SUMF1: variants seen among roughly 807,000 people sequenced by gnomAD.
SUMF1 encodes formylglycine-generating enzyme.
SUMF1 carries 48 observed loss-of-function variants against 47.6 expected under a neutral mutation model. The observed-to-expected ratio is 1.01, with a 90% CI of 0.80 to 1.28. The LOEUF (loss-of-function observed/expected upper bound fraction) is 1.28, where lower values mean the gene tolerates loss of function less well. Among genes scored for constraint, SUMF1 ranks in the 50% most tolerant of loss-of-function variants. The pLI is 0.00. For missense variants in SUMF1, 571 were observed against 485.4 expected, an observed-to-expected ratio of 1.18 and a Z score of -1.66; for synonymous variants, 230 against 192.1, an observed-to-expected ratio of 1.20 and a Z score of -1.63.
chr3:4,153,926 G>A (rs1694396724), intron 8 of SUMF1, among the ~76,000 whole-genome samples: 1 of 151,510 alleles, frequency 6.6e-6, no homozygotes, highest in Non-Finnish European at 1.5e-5. Context: ...CTTAGGTTAG[G>A]ACTCCCGCCT....
intron 8 of SUMF1, among the ~76,000 whole-genome samples, chr3:4,156,235 G>C (rs1169516581): frequency 6.6e-6 from 1 of 151,342 alleles, no homozygotes; most frequent in Non-Finnish European, 1.5e-5. Flanking sequence ...AAAACACAAG[G>C]CCTGCAGAAG....
chr3:4,164,126 G>A (rs187258404), intron 8 of SUMF1, among the ~76,000 whole-genome samples: 15 of 152,252 alleles, frequency 9.9e-5, no homozygotes, highest in Admixed American at 5.2e-4. Context: ...TAACGGTGTG[G>A]GACTTTCAGG....
At chr3:4,280,138 A>C (rs1479006526) in intron 8 of SUMF1, among the ~76,000 whole-genome samples, 1 of 152,198 alleles carries the variant, frequency 6.6e-6, no homozygotes, top group African/African-American at 2.4e-5. Context: ...GATGTTAATT[A>C]GTTCTCTTAA....
chr3:4,441,310 C>G (rs1394233991), intron 3 of SUMF1, among the ~76,000 whole-genome samples: 1 of 152,198 alleles, frequency 6.6e-6, no homozygotes, highest in Non-Finnish European at 1.5e-5. Context: ...CCATCACCCC[C>G]AGATGGGACT....
intron 8 of SUMF1, among the ~76,000 whole-genome samples, chr3:4,315,243 C>T (rs1320536078): frequency 1.3e-5 from 2 of 152,218 alleles, no homozygotes; most frequent in Non-Finnish European, 2.9e-5. Flanking sequence ...GTATCCCTCA[C>T]TCCAAAATGT....
intron 3 of SUMF1, among the ~76,000 whole-genome samples, chr3:4,429,369 C>G (rs919821727): frequency 3.9e-5 from 6 of 152,132 alleles, no homozygotes; most frequent in Admixed American, 2.6e-4. Context: ...CAGGTCTTTT[C>G]CAGTGTCTAA....
intron 8 of SUMF1, among the ~76,000 whole-genome samples, chr3:4,236,779 T>C (rs313632): frequency 0.21 from 31,277 of 152,058 alleles, 4,104 homozygotes; most frequent in South Asian, 0.38. Context: ...CCATCATTTA[T>C]ATTAAGGTTC....
chr3:4,122,977 T>C (rs17039983), intron 8 of SUMF1, among the ~76,000 whole-genome samples: 8,275 of 152,200 alleles, frequency 0.054, 769 homozygotes, highest in African/African-American at 0.19. Flanking sequence ...ACTCTACACA[T>C]AGGTATTCAG....
chr3:4,296,256 A>C (rs1697847984), intron 8 of SUMF1, among the ~76,000 whole-genome samples: 1 of 150,794 alleles, frequency 6.6e-6, no homozygotes, highest in African/African-American at 2.4e-5. Context: ...TATTAATATT[A>C]TTTTGGGAAG....
rs755441931 is a variant in SUMF1, at chr3:4,317,076, C to G, written c.1014+59254G>C. 7.1e-6 allele frequency: 11 copies of G among 1,549,142 alleles called. No individual in the cohort carries two copies. The African/African-American group carries it at 1.5e-4, about 21-fold the overall frequency. ...GCCAACCAACTACCACGTCTTTAAG[C>G]ATCTCAACAACTTTTTGCAGGGAAA... On this transcript the variant is annotated intron_variant and NMD_transcript_variant, in intron 8 of 12. Coordinates refer to the SUMF1 transcript ENST00000448413.
At chr3:4,044,928 TAA>T (rs1694979067) in intron 9 of SUMF1, among the ~76,000 whole-genome samples, 1 of 151,942 alleles carries the variant, frequency 6.6e-6, no homozygotes, top group Non-Finnish European at 1.5e-5. Context: ...AAAAAATACT[TAA>T]AGAGATATTT....
At chr3:4,098,369 T>C (rs185023104) in intron 8 of SUMF1, among the ~76,000 whole-genome samples, 96 of 152,174 alleles carry the variant, frequency 6.3e-4, no homozygotes, top group Admixed American at 1.8e-3. Context: ...TACAGACACA[T>C]AGGGACACAC....
intron 8 of SUMF1, chr3:4,229,402 C>A: frequency 5.6e-6 from 2 of 359,554 alleles, no homozygotes; most frequent in Non-Finnish European, 1.1e-5. Context: ...AAGAGCATGT[C>A]TTAGCCATGT....
At chr3:4,321,123 AAGG>A in intron 8 of SUMF1, among the ~76,000 whole-genome samples, 1 of 152,190 alleles carries the variant, frequency 6.6e-6, no homozygotes, top group Non-Finnish European at 1.5e-5. Context: ...TAAGCAAAGG[AAGG>A]ATGATCCATG....
intron 8 of SUMF1, among the ~76,000 whole-genome samples, chr3:4,157,898 A>C (rs1694490983): frequency 6.6e-6 from 1 of 151,514 alleles, no homozygotes; most frequent in South Asian, 2.1e-4. Context: ...TTCTGTACTC[A>C]AGTCATATAT....
At chr3:4,349,286 A>T (rs1050632869) in intron 8 of SUMF1, among the ~76,000 whole-genome samples, 3 of 152,258 alleles carry the variant, frequency 2.0e-5, no homozygotes, top group Non-Finnish European at 2.9e-5. Flanking sequence ...ACAATGAGAT[A>T]CCATTTCACG....
At chr3:4,382,577 C>T (rs1177118951) in intron 7 of SUMF1, among the ~76,000 whole-genome samples, 1 of 152,094 alleles carries the variant, frequency 6.6e-6, no homozygotes, top group Non-Finnish European at 1.5e-5. Flanking sequence ...TGGGTATGTA[C>T]CCAAAGGATT....
At chr3:4,060,446 C>A (rs1335784609) in intron 9 of SUMF1, among the ~76,000 whole-genome samples, 2 of 152,144 alleles carry the variant, frequency 1.3e-5, no homozygotes, top group African/African-American at 4.8e-5. Context: ...ATATAGGTTA[C>A]AAAATCTTCA....
intron 5 of SUMF1, among the ~76,000 whole-genome samples, chr3:4,417,779 C>T (rs933172929): frequency 1.3e-5 from 2 of 152,192 alleles, no homozygotes; most frequent in Non-Finnish European, 2.9e-5. Context: ...ATTGCTAAGA[C>T]TTGCTTTGGG....
Sources: gnomAD v4.1 joint callset for allele counts (sites outside exome capture counted in the v4.1 genomes callset) on GRCh38, gnomAD v4.1.1 for gene constraint, MANE v1.5 for transcripts, NCBI Gene and HGNC (gene_info 2026-07-23, HGNC 2026-07-21) for gene names.